Variants in TRAPPC12 observed in about 807,000 individuals in gnomAD.
The protein encoded by TRAPPC12 is trafficking protein particle complex subunit 12, also known as TPR repeat protein 15.
A neutral mutation model predicts 69.2 loss-of-function variants in TRAPPC12; 61 were observed. The ratio of observed to expected loss-of-function variants is 0.88; its 90% CI spans 0.72 to 1.09. The LOEUF is 1.09. Ranked by LOEUF, TRAPPC12 falls within the 50% of genes least tolerant of loss-of-function variation. The probability of loss-of-function intolerance (pLI) is 0.00; values close to 1 mark genes in which losing one functional copy is unlikely to be tolerated. For missense variants in TRAPPC12, 1,101 were observed against 1,016.4 expected (o/e 1.08, Z -1.13); for synonymous variants, 469 against 438.9 (o/e 1.07, Z -0.86).
rs749851940 is a variant in TRAPPC12, at chr2:3,388,377, G to A, written c.754G>A (p.Ala252Thr). 1 of 1,600,260 alleles carries A rather than the reference G, an allele frequency of 6.2e-7. No homozygotes were observed. Among genetic ancestry groups the A allele is most frequent in the South Asian group, 1.1e-5 (1 of 89,378 alleles). The change falls in exon 2 of 12, where the codon GCT becomes ACT. Residue 252 changes from alanine to threonine, a missense_variant. Physicochemically the swap from Ala to Thr is moderately conservative, Grantham distance 58. Coordinates refer to ENST00000324266, the MANE Select transcript of TRAPPC12 (RefSeq NM_016030.6). The part of the protein sequence containing the change: ...SPAPASPPPL[A>T]VPGTEGRPEP... ...GGCCCCCGCCAGCCCGCCTCCCCTC[G>A]CTGTGCCCGGGACCGAGGGGCGCCC...
chr2:3,394,638 G>A (rs993611503), intron 2 of TRAPPC12, among the ~76,000 whole-genome samples: 5 of 149,610 alleles, frequency 3.3e-5, no homozygotes, highest in African/African-American at 1.0e-4. Flanking sequence ...AAAAAAAAAG[G>A]GGGGGGAGAT....
At chr2:3,471,981 C>T (rs189647423) in intron 9 of TRAPPC12, among the ~76,000 whole-genome samples, 3 of 152,244 alleles carry the variant, frequency 2.0e-5, no homozygotes, top group African/African-American at 7.2e-5. Flanking sequence ...TCCTAGGCCT[C>T]GGTGTCCTGG....
chr2:3,469,761 G>GCCTCCTGGTT (rs145770443), intron 9 of TRAPPC12, among the ~76,000 whole-genome samples: 2,233 of 152,328 alleles, frequency 0.015, 59 homozygotes, highest in South Asian at 0.096. Flanking sequence ...AGGAATGTAG[G>GCCTCCTGGTT]CCTCCTGGTT....
chr2:3,464,151 TGCTCACACACAC>T (rs1572200641), intron 8 of TRAPPC12, among the ~76,000 whole-genome samples: 1 of 151,468 alleles, frequency 6.6e-6, no homozygotes, highest in East Asian at 2.0e-4. Flanking sequence ...CACACACACA[TGCTCACACACAC>T]GCTCACACTC....
intron 1 of TRAPPC12, among the ~76,000 whole-genome samples, chr2:3,380,122 T>A (rs1162999789): frequency 1.3e-5 from 2 of 152,154 alleles, no homozygotes; most frequent in Admixed American, 1.3e-4. Flanking sequence ...GAAGCGTCTC[T>A]GCAGCCCGCG....
At chr2:3,467,456 TTTGGG>T (rs1416713525) in intron 9 of TRAPPC12, 2 of 152,228 alleles carry the variant, frequency 1.3e-5, no homozygotes, top group Non-Finnish European at 2.9e-5. Flanking sequence ...TACCTAGCTA[TTTGGG>T]ATATCTCTGA....
At chr2:3,458,297 C>T (rs1665289350) in intron 7 of TRAPPC12, 10 of 986,976 alleles carry the variant, frequency 1.0e-5, no homozygotes, top group Non-Finnish European at 1.2e-5. Flanking sequence ...GGAAACCTGG[C>T]CTGAGTGCTC....
intron 5 of TRAPPC12, among the ~76,000 whole-genome samples, chr2:3,442,797 C>T (rs1031916048): frequency 6.6e-6 from 1 of 152,194 alleles, no homozygotes; most frequent in Non-Finnish European, 1.5e-5. Context: ...GGCACAGATA[C>T]ATTAAGTGGC....
At position 3,401,811 on chromosome 2, in the gene TRAPPC12, TG is replaced by T; in HGVS notation, c.1085del (p.Gly362ValfsTer11). 6.2e-7 allele frequency: 1 copy of T among 1,600,258 alleles called. No individual in the cohort carries two copies. ...GTTAAAGACTTGATGCTTCGCTTTC[TG>T]GGTGAAAAAGCTGCAGCAAAGAGAC... ...DAVKDLMLRF[L>X]GEKAAAKRQV... On this transcript the variant is annotated frameshift_variant, in exon 3 of 12. Transcript: ENST00000324266. LOFTEE classifies it high-confidence loss of function.
chr2:3,388,472 C>T lies in TRAPPC12; in HGVS notation c.849C>T (p.Ile283=), dbSNP rs147425056. The change falls in exon 2 of 12, where the codon ATC becomes ATT. Residue 283 remains isoleucine (I), a synonymous_variant. Transcript: ENST00000324266. The part of the protein sequence containing the change: ...PPASPEPFAH[I]QAVFAGSDDP... ...CGTCGCCAGAGCCTTTCGCGCACATCCAGGCAGTGTTTGCAGGGAGTGACG... is the reference window on the plus strand; with the variant it reads ...CGTCGCCAGAGCCTTTCGCGCACATTCAGGCAGTGTTTGCAGGGAGTGACG... 7.4e-6 allele frequency: 12 copies of T among 1,612,318 alleles called. No homozygotes were observed. Among genetic ancestry groups the T allele is most frequent in the East Asian group, 4.5e-5 (2 of 44,856 alleles).
chr2:3,422,484 T>C lies in TRAPPC12; in HGVS notation c.1278+490T>C, dbSNP rs569693305. On this transcript the variant is annotated intron_variant, in intron 4 of 11. Coordinates refer to ENST00000324266, the MANE Select transcript of TRAPPC12 (RefSeq NM_016030.6). ...AGACTTGTGAACAAAAGGAAACTCA[T>C]CTGAGAAGAAGGAACAGCTGCAAAC... 3.3e-4 allele frequency among the ~76,000 whole-genome samples: 51 copies of C among 152,330 alleles called. No homozygotes were observed. The South Asian group carries it at 9.7e-3, about 29-fold the overall frequency.
intron 7 of TRAPPC12, among the ~76,000 whole-genome samples, chr2:3,458,945 A>T (rs775408992): frequency 3.3e-5 from 5 of 152,248 alleles, no homozygotes; most frequent in Admixed American, 6.5e-5. Context: ...TTCTTTTCAC[A>T]AAAATAATGG....
intron 9 of TRAPPC12, 130 bp downstream of exon 9, chr2:3,465,825 T>C: frequency 1.4e-6 from 1 of 711,712 alleles, no homozygotes. Flanking sequence ...CAAATGTATG[T>C]GACCATGAAA....
At chr2:3,435,535 G>A (rs1572155187) in intron 5 of TRAPPC12, among the ~76,000 whole-genome samples, 1 of 152,282 alleles carries the variant, frequency 6.6e-6, no homozygotes, top group Middle Eastern at 3.4e-3. Flanking sequence ...AAAAGCAGTA[G>A]AAATGGGAGT....
In TRAPPC12 at chr2:3,479,420, G is replaced by C. The variant is rs1414438268; in HGVS notation, c.2167G>C (p.Glu723Gln). 1.9e-6 allele frequency: 3 copies of C among 1,614,002 alleles called. No individual in the cohort carries two copies. The highest frequency in any genetic ancestry group is 2.2e-5 in the East Asian group (1 of 44,904). The change falls in exon 12 of 12, where the codon GAG (glutamate) becomes CAG (glutamine). Residue 723 changes from glutamate to glutamine, a missense_variant. Physicochemically the swap from Glu to Gln is conservative, Grantham distance 29. Coordinates refer to ENST00000324266, the MANE Select transcript of TRAPPC12 (RefSeq NM_016030.6). ...CCTGCTGGAGGCTGTCGCCGGCAAG[G>C]AGGGGGACAGCTTCAACACACAGTG... Reference protein sequence around the residue: ...QALLEAVAGKEGDSFNTQCLK... With the variant: ...QALLEAVAGKQGDSFNTQCLK...
Position 3,460,282 on chromosome 2 carries a change from G to A in TRAPPC12, c.1623G>A (p.Arg541=), listed in dbSNP as rs761685549. The A allele has an allele frequency of 5.7e-6, 5 of 874,170 alleles. No individual in the cohort carries two copies. The African/African-American group carries it at 6.5e-5, about 11-fold the overall frequency. The allele number at this position is 874,170 out of a possible 1,614,324, so 54.2% of individuals were successfully genotyped here. A position where few individuals can be genotyped will look rare whatever the true frequency, so the allele number is the denominator to read the frequency against. ...EGRQASIRLW[R]SRLGRVMYSM... is the part of the protein sequence containing the mutation. ...TTGTAGCCTCTATCCGGCTGTGGAG[G>A]TCACGTCTGGGCCGGGTGATGTACT... is the stretch of plus-strand genomic sequence containing the variant. The change falls in exon 8 of 12, where the codon AGG becomes AGA. Residue 541 remains arginine (R), a synonymous_variant. Coordinates refer to ENST00000324266, the MANE Select transcript of TRAPPC12 (RefSeq NM_016030.6).
At chr2:3,442,596 G>A (rs1041501191) in intron 5 of TRAPPC12, among the ~76,000 whole-genome samples, 2 of 152,212 alleles carry the variant, frequency 1.3e-5, no homozygotes, top group African/African-American at 4.8e-5. Context: ...AACATTTTAA[G>A]TTCAATAATT....
chr2:3,410,899 G>A (rs898875761), intron 3 of TRAPPC12, among the ~76,000 whole-genome samples: 1 of 152,120 alleles, frequency 6.6e-6, no homozygotes, highest in African/African-American at 2.4e-5. Context: ...GCGTGGTGGT[G>A]CACGCCTGTA....
Position 3,395,014 on chromosome 2 carries a change from A to G in TRAPPC12, c.1047+6344A>G, listed in dbSNP as rs1242895137. Reference sequence around the variant, plus strand: ...TTTGAGTACAGTCTTTTTTGTGGATATATTTTCGTTTCTCTTGGGTAAAAA... The same window carrying G: ...TTTGAGTACAGTCTTTTTTGTGGATGTATTTTCGTTTCTCTTGGGTAAAAA... On this transcript the variant is annotated intron_variant, in intron 2 of 11. Coordinates refer to ENST00000324266, the MANE Select transcript of TRAPPC12 (RefSeq NM_016030.6). 2.0e-5 allele frequency among the ~76,000 whole-genome samples: 3 copies of G among 152,198 alleles called. No homozygotes were observed. In the East Asian group the frequency reaches 5.8e-4, roughly 29 times the overall value.
Sources: allele counts gnomAD v4.1 joint callset (sites outside exome capture counted in the v4.1 genomes callset), GRCh38; gene constraint gnomAD v4.1.1; transcripts MANE v1.5; gene names NCBI Gene and HGNC (gene_info 2026-07-23, HGNC 2026-07-21).